The following ORC1 variants were observed in gnomAD, a reference collection of about 807,000 sequenced individuals.
ORC1 encodes origin recognition complex subunit 1.
ORC1 carries 61 observed loss-of-function variants against 98.9 expected under a neutral mutation model. The ratio of observed to expected loss-of-function variants is 0.62; its 90% CI spans 0.50 to 0.76. The LOEUF is 0.76. Ranked by LOEUF, ORC1 falls within the 30% of genes least tolerant of loss-of-function variation. The pLI, the probability that ORC1 is intolerant of heterozygous loss-of-function variation, is 0.00. For missense variants in ORC1, 979 were observed against 1,072.2 expected, an observed-to-expected ratio of 0.91 and a Z score of 1.21; for synonymous variants, 385 against 406.9, an observed-to-expected ratio of 0.95 and a Z score of 0.65.
upstream of ORC1, among the ~76,000 whole-genome samples, chr1:52,407,238 C>T (rs962050929): frequency 1.4e-4 from 21 of 152,314 alleles, no homozygotes; most frequent in African/African-American, 2.9e-4. Flanking sequence ...AGGATGGTCC[C>T]GATCTCCTGA....
chr1:52,376,095 G>A (rs1328085083), intron 14 of ORC1, among the ~76,000 whole-genome samples: 1 of 152,190 alleles, frequency 6.6e-6, no homozygotes, highest in African/African-American at 2.4e-5. Context: ...GAAGGGGCTG[G>A]ACGCGGTGGC....
At chr1:52,404,626 G>T, upstream of ORC1, 2 of 1,086,892 alleles carry the variant, frequency 1.8e-6, no homozygotes, top group Non-Finnish European at 2.6e-6. Context: ...CCGGCTTCAA[G>T]ATGGTCGCCT....
intron 6 of ORC1, among the ~76,000 whole-genome samples, chr1:52,392,258 T>G (rs1305678324): frequency 6.6e-6 from 1 of 151,964 alleles, no homozygotes; most frequent in African/African-American, 2.4e-5. Flanking sequence ...GCCTCCCAAG[T>G]AGCTGGGACC....
intron 4 of ORC1, 150 bp downstream of exon 4, chr1:52,397,535 G>T: frequency 1.3e-6 from 1 of 785,898 alleles, no homozygotes; most frequent in Non-Finnish European, 2.2e-6. Context: ...TATCTGTTGA[G>T]ATGAAACAGA....
intron 6 of ORC1, among the ~76,000 whole-genome samples, chr1:52,391,754 C>T (rs1251577497): frequency 3.3e-5 from 5 of 151,852 alleles, no homozygotes; most frequent in East Asian, 3.9e-4. Context: ...AAAAATTAGT[C>T]GGGCGTGGTG....
Position 52,393,512 on chromosome 1 carries a change from G to C in ORC1, c.1013C>G (p.Pro338Arg). Residue 338 changes from proline (P) to arginine (R), a missense_variant, in exon 6 of 17, where the codon CCT becomes CGT. By Grantham distance (103) the Pro-to-Arg change is moderately radical. Transcript: ENST00000371568. Reference sequence around the variant, plus strand: ...TGAAGATCTCTGTCCCCCACTGATAGGGGTAAGTGTTCTCTCCTCTCTAAT... The same window carrying C: ...TGAAGATCTCTGTCCCCCACTGATACGGGTAAGTGTTCTCTCCTCTCTAAT... ...IDIREERTLT[P>R]ISGGQRSSVV... 1 of 1,614,148 alleles carries C rather than the reference G, an allele frequency of 6.2e-7. No individual in the cohort carries two copies. Among genetic ancestry groups the C allele is most frequent in the Non-Finnish European group, 8.5e-7 (1 of 1,180,032 alleles).
At chr1:52,403,588 A>G (rs888573618) in intron 1 of ORC1, among the ~76,000 whole-genome samples, 13 of 152,334 alleles carry the variant, frequency 8.5e-5, no homozygotes, top group Admixed American at 4.6e-4. Flanking sequence ...AATCGTATAT[A>G]ATCATTGCAG....
chr1:52,408,950 C>T (rs112522524), upstream of ORC1: 5 of 321,360 alleles, frequency 1.6e-5, no homozygotes, highest in African/African-American at 6.4e-5. Context: ...CATCATATGC[C>T]CCCTTTACAT....
rs2147941034 is a variant in ORC1, at chr1:52,396,230, T to C, written c.537A>G (p.Pro179=). ...SSELFAELNK[P]QESAAKCQKP... is the part of the protein sequence containing the mutation. ...TCTGGCACTTGGCTGCACTCTCTTG[T>C]GGTTTATTCAACTCCGCAAATAGTT... Residue 179 remains proline, a synonymous_variant, in exon 5 of 17, where the codon CCA becomes CCG. Coordinates refer to ENST00000371568, the MANE Select transcript of ORC1 (RefSeq NM_004153.4). 1 of 1,614,216 alleles carries C rather than the reference T, an allele frequency of 6.2e-7. No individual in the cohort carries two copies. Among genetic ancestry groups the C allele is most frequent in the East Asian group, 2.2e-5 (1 of 44,884 alleles).
chr1:52,396,115 C>T lies in ORC1; in HGVS notation c.652G>A (p.Ala218Thr), dbSNP rs772034633. Residue 218 changes from alanine to threonine, a missense_variant, in exon 5 of 17, where the codon GCC becomes ACC. Ala to Thr is a moderately conservative substitution (Grantham distance 58, BLOSUM62 0). Transcript: ENST00000371568. ...VAKRIESRHS[A>T]SKSRQTPTHP... ...GTAGGAGTTTGGCGAGATTTGGAGG[C>T]GGAGTGCCTTGATTCAATCCTTTTG... 5.6e-6 allele frequency: 9 copies of T among 1,614,016 alleles called. No individual in the cohort carries two copies. Among genetic ancestry groups the T allele is most frequent in the African/African-American group, 4.0e-5 (3 of 74,912 alleles).
rs867013469 is a variant in ORC1 at position 52,396,012 on chromosome 1, A to G, written c.721+34T>C. ...TTTTATCACATAACCCTTTAGCCCC[A>G]GTATTGCCCACGGTGATCCATTCCA... On this transcript the variant is annotated intron_variant, in intron 5 of 16. Coordinates refer to ENST00000371568, the MANE Select transcript of ORC1 (RefSeq NM_004153.4). 3.7e-6 allele frequency: 6 copies of G among 1,614,082 alleles called. No homozygotes were observed. In the African/African-American group the frequency reaches 6.7e-5, roughly 18 times the overall value.
Position 52,393,591 on chromosome 1 carries a change from G to A in ORC1, c.934C>T (p.Pro312Ser), listed in dbSNP as rs772037188. Reference sequence around the variant, plus strand: ...GTTCTCAGGATTATGCGATGTTCAGGTGAAGCCTTCTTGTCATCCTCAGTA... The same window carrying A: ...GTTCTCAGGATTATGCGATGTTCAGATGAAGCCTTCTTGTCATCCTCAGTA... ...SYTEDDKKAS[P>S]EHRIILRTRI... Residue 312 changes from proline (P) to serine (S), a missense_variant, in exon 6 of 17, where the codon CCT becomes TCT. By Grantham distance (74) the Pro-to-Ser change is moderately conservative. Transcript: ENST00000371568. The A allele has an allele frequency of 2.1e-5, 34 of 1,614,054 alleles. No individual in the cohort carries two copies. Among genetic ancestry groups the A allele is most frequent in the Middle Eastern group, 1.6e-4 (1 of 6,084 alleles).
chr1:52,377,232 G>A (rs1039360701), intron 14 of ORC1, among the ~76,000 whole-genome samples: 1 of 151,842 alleles, frequency 6.6e-6, no homozygotes, highest in African/African-American at 2.4e-5. Context: ...CCCTCCCAAA[G>A]TGCTGGGATT....
upstream of ORC1, chr1:52,408,538 G>A (rs762468304): frequency 1.9e-6 from 3 of 1,613,706 alleles, no homozygotes; most frequent in Non-Finnish European, 2.5e-6. Flanking sequence ...TTCTAGGATG[G>A]CCTGTTGTTT....
intron 2 of ORC1, 67 bp from the exon 3 acceptor site, chr1:52,401,556 G>C (rs887911299): frequency 6.3e-7 from 1 of 1,577,606 alleles, no homozygotes; most frequent in East Asian, 2.2e-5. Flanking sequence ...AGATCCCCTG[G>C]GCACAAAGGA....
In ORC1 at chr1:52,383,415, C is replaced by T; in HGVS notation, c.2013+5G>A. 4.3e-6 allele frequency: 7 copies of T among 1,612,334 alleles called. No individual in the cohort carries two copies. Among genetic ancestry groups the T allele is most frequent in the Non-Finnish European group, 5.1e-6 (6 of 1,180,010 alleles). ...GAACAGCATGGGAACTGCCCTAGAA[C>T]CTACCAGTCGGCTGGACACCCGGTT... On this transcript the variant is annotated splice_donor_5th_base_variant and intron_variant, in intron 13 of 16. Coordinates refer to ENST00000371568, the MANE Select transcript of ORC1 (RefSeq NM_004153.4).
intron 8 of ORC1, 79 bp from the exon 9 acceptor site, chr1:52,386,028 G>A (rs1647139170): frequency 2.9e-6 from 3 of 1,039,946 alleles, no homozygotes; most frequent in Non-Finnish European, 4.4e-6. Context: ...TGTGATTTGT[G>A]CTGATCTGAT....
upstream of ORC1, among the ~76,000 whole-genome samples, chr1:52,405,100 G>A (rs1193490168): frequency 6.6e-6 from 1 of 152,234 alleles, no homozygotes; most frequent in Admixed American, 6.5e-5. Flanking sequence ...TGTCTCAGTT[G>A]GGTGTTGTGA....
intron 6 of ORC1, among the ~76,000 whole-genome samples, chr1:52,392,829 T>C (rs1483492994): frequency 6.6e-6 from 1 of 152,164 alleles, no homozygotes; most frequent in Non-Finnish European, 1.5e-5. Context: ...TATCATATGT[T>C]CTCACTTATA....
Sources: gnomAD v4.1 joint callset for allele counts (sites outside exome capture counted in the v4.1 genomes callset) on GRCh38, gnomAD v4.1.1 for gene constraint, MANE v1.5 for transcripts, NCBI Gene and HGNC (gene_info 2026-07-23, HGNC 2026-07-21) for gene names.